SYN3: variants seen among roughly 807,000 people sequenced by gnomAD.
The protein encoded by SYN3 is synapsin-3.
In SYN3, 35 loss-of-function variants were observed where a neutral mutation model predicts 65.8. That is an observed-to-expected ratio of 0.53 (90% CI 0.41 to 0.70). SYN3 has a LOEUF of 0.70. Ranked by LOEUF, SYN3 falls within the 30% of genes least tolerant of loss-of-function variation. The pLI is 0.00. For synonymous variants in SYN3, 270 were observed against 292.9 expected (o/e 0.92, Z 0.80); for missense variants, 680 against 749.0 (o/e 0.91, Z 1.08).
intron 6 of SYN3, among the ~76,000 whole-genome samples, chr22:32,629,194 C>A (rs2051569): frequency 0.36 from 54,878 of 151,964 alleles, 10,537 homozygotes; most frequent in African/African-American, 0.48. Flanking sequence ...GTGATAGCAA[C>A]AGAGCAGCCC....
In SYN3 at chr22:33,006,704, G is replaced by C; in HGVS notation, c.-42C>G. 1 of 1,525,560 alleles carries C rather than the reference G, an allele frequency of 6.6e-7. No homozygotes were observed. The highest frequency in any genetic ancestry group is 8.8e-7 in the Non-Finnish European group (1 of 1,134,846). The allele number at this position is 1,525,560 out of a possible 1,614,324, so 94.5% of individuals were successfully genotyped here. On this transcript the variant is annotated 5_prime_UTR_variant, in exon 2 of 14. Coordinates refer to ENST00000358763, the MANE Select transcript of SYN3 (RefSeq NM_003490.4). ...AGATGACTGGCTCCTACCCAGACGTGTGTAGGTGAGGCCCAGAAGACAGGC... is the reference window on the plus strand; with the variant it reads ...AGATGACTGGCTCCTACCCAGACGTCTGTAGGTGAGGCCCAGAAGACAGGC...
chr22:32,675,800 A>G (rs1264542945), intron 6 of SYN3, among the ~76,000 whole-genome samples: 1 of 152,156 alleles, frequency 6.6e-6, no homozygotes, highest in Admixed American at 6.5e-5. Context: ...TGAGCTAGCA[A>G]GTGGTGAGCG....
intron 6 of SYN3, among the ~76,000 whole-genome samples, chr22:32,627,609 C>G (rs911024403): frequency 3.9e-5 from 6 of 152,088 alleles, no homozygotes; most frequent in African/African-American, 1.4e-4. Context: ...TGGGCAAGTG[C>G]AATCATACAC....
At chr22:32,553,616 TG>T (rs199598675) in intron 7 of SYN3, among the ~76,000 whole-genome samples, 1 of 133,294 alleles carries the variant, frequency 7.5e-6, no homozygotes, top group Non-Finnish European at 1.6e-5. Flanking sequence ...GACTCACCCA[TG>T]TATTATATAA....
At chr22:33,041,498 C>T (rs1020796437) in intron 1 of SYN3, among the ~76,000 whole-genome samples, 2 of 151,806 alleles carry the variant, frequency 1.3e-5, no homozygotes, top group African/African-American at 2.4e-5. Context: ...GGGGTTTCAC[C>T]GTGTTAGCCA....
chr22:32,949,631 G>A (rs1351798254), intron 3 of SYN3, among the ~76,000 whole-genome samples: 1 of 152,036 alleles, frequency 6.6e-6, no homozygotes, highest in African/African-American at 2.4e-5. Context: ...CATTTTCACC[G>A]GCACTGGCAC....
At chr22:32,841,553 C>T (rs1219031312) in intron 6 of SYN3, among the ~76,000 whole-genome samples, 1 of 151,958 alleles carries the variant, frequency 6.6e-6, no homozygotes. Context: ...ATCTGGAGCT[C>T]AGTGTTGGAT....
intron 6 of SYN3, among the ~76,000 whole-genome samples, chr22:32,855,737 C>T (rs142707253): frequency 1.6e-4 from 24 of 152,282 alleles, no homozygotes; most frequent in African/African-American, 2.9e-4. Flanking sequence ...CTACCCTCTA[C>T]GAACTGTTGT....
chr22:32,844,323 A>G (rs1228225814), intron 6 of SYN3, among the ~76,000 whole-genome samples: 2 of 152,192 alleles, frequency 1.3e-5, no homozygotes, highest in South Asian at 2.1e-4. Flanking sequence ...GCTTTTCTGG[A>G]AACTCAATCC....
intron 6 of SYN3, among the ~76,000 whole-genome samples, chr22:32,767,708 T>C (rs917583525): frequency 7.2e-5 from 11 of 152,244 alleles, no homozygotes; most frequent in Non-Finnish European, 4.4e-5. Flanking sequence ...GTAAGTAGAC[T>C]GTAATCTTTC....
chr22:32,717,966 G>A (rs1045301336), intron 6 of SYN3, among the ~76,000 whole-genome samples: 2 of 152,190 alleles, frequency 1.3e-5, no homozygotes, highest in South Asian at 2.1e-4. Context: ...TAAGAATGAG[G>A]CTCTCTGTAG....
At chr22:32,984,188 A>T (rs1320109661) in intron 2 of SYN3, among the ~76,000 whole-genome samples, 1 of 118,330 alleles carries the variant, frequency 8.5e-6, no homozygotes, top group Admixed American at 9.7e-5. Context: ...AAGAAAAAGA[A>T]AAAGAAAAGA....
intron 12 of SYN3, among the ~76,000 whole-genome samples, chr22:32,527,167 A>G (rs531773487): frequency 4.5e-4 from 69 of 152,150 alleles, no homozygotes; most frequent in Middle Eastern, 3.4e-3. Context: ...CCCTTTTTCT[A>G]TCTTTCTTAC....
intron 6 of SYN3, among the ~76,000 whole-genome samples, chr22:32,791,504 T>C (rs1431200015): frequency 6.6e-6 from 1 of 151,926 alleles, no homozygotes; most frequent in Non-Finnish European, 1.5e-5. Context: ...TCACCCTTGA[T>C]TGGCGGGTAC....
chr22:32,941,147 C>A (rs1046622084), intron 3 of SYN3, among the ~76,000 whole-genome samples: 7 of 152,100 alleles, frequency 4.6e-5, no homozygotes, highest in African/African-American at 1.4e-4. Flanking sequence ...ACAAAAAAAT[C>A]CACAATTCTT....
chr22:33,035,342 C>CCG (rs1556217572), intron 1 of SYN3, among the ~76,000 whole-genome samples: 7 of 109,184 alleles, frequency 6.4e-5, no homozygotes, highest in Admixed American at 8.7e-5. Flanking sequence ...CCCCCCCCCC[C>CCG]CCGCCACCAA....
intron 4 of SYN3, among the ~76,000 whole-genome samples, chr22:32,874,650 A>G (rs558917836): frequency 6.6e-6 from 1 of 152,282 alleles, no homozygotes; most frequent in Admixed American, 6.5e-5. Flanking sequence ...CTTGACCACT[A>G]TTTCATAACT....
chr22:32,641,525 G>T (rs1380356532), intron 6 of SYN3, among the ~76,000 whole-genome samples: 1 of 148,348 alleles, frequency 6.7e-6, no homozygotes, highest in Admixed American at 6.8e-5. Flanking sequence ...GGAGAATGTT[G>T]TGAACCCGGG....
At chr22:32,869,504 G>A (rs978540373) in intron 4 of SYN3, among the ~76,000 whole-genome samples, 10 of 151,888 alleles carry the variant, frequency 6.6e-5, no homozygotes, top group Non-Finnish European at 1.3e-4. Context: ...CCATGGTGAG[G>A]ACAACTGCCC....
Sources: allele counts gnomAD v4.1 joint callset (sites outside exome capture counted in the v4.1 genomes callset), GRCh38; gene constraint gnomAD v4.1.1; transcripts MANE v1.5; gene names NCBI Gene and HGNC (gene_info 2026-07-23, HGNC 2026-07-21).